The following ATRNL1 variants were observed in gnomAD, a reference collection of about 807,000 sequenced individuals.
ATRNL1 encodes attractin-like protein 1.
A neutral mutation model predicts 182.7 loss-of-function variants in ATRNL1; 95 were observed. The observed-to-expected ratio is 0.52, with a 90% CI of 0.44 to 0.62. ATRNL1 has a LOEUF of 0.62. ATRNL1 is among the 20% of genes least tolerant of loss of function. ATRNL1 has a pLI of 0.00. For missense variants in ATRNL1, 1,471 were observed against 1,679.5 expected, an observed-to-expected ratio of 0.88 and a Z score of 2.17; for synonymous variants, 576 against 568.3, an observed-to-expected ratio of 1.01 and a Z score of -0.19.
At chr10:115,528,082 ATT>A (rs1554987194) in intron 25 of ATRNL1, among the ~76,000 whole-genome samples, 1 of 139,428 alleles carries the variant, frequency 7.2e-6, no homozygotes, top group African/African-American at 2.8e-5. Context: ...TTCCCTTCTC[ATT>A]TCTAAAAATA....
intron 18 of ATRNL1, among the ~76,000 whole-genome samples, chr10:115,326,617 C>T (rs574629129): frequency 1.3e-5 from 2 of 152,038 alleles, no homozygotes; most frequent in East Asian, 1.9e-4. Flanking sequence ...AAAGAGCCCA[C>T]ATCGCCAAGT....
chr10:115,871,469 TTGTGTG>T (rs59295682), intron 28 of ATRNL1, among the ~76,000 whole-genome samples: 25,048 of 139,654 alleles, frequency 0.18, 2,906 homozygotes, highest in South Asian at 0.28. Flanking sequence ...GTCAGATTCT[TTGTGTG>T]TGTGTATATA....
chr10:115,764,973 C>T (rs954417945), intron 27 of ATRNL1, among the ~76,000 whole-genome samples: 6 of 152,154 alleles, frequency 3.9e-5, no homozygotes, highest in African/African-American at 1.4e-4. Flanking sequence ...CATGCCCAGC[C>T]TCCTCCATGT....
chr10:115,369,329 G>A (rs1279946169), intron 19 of ATRNL1, among the ~76,000 whole-genome samples: 2 of 148,284 alleles, frequency 1.3e-5, no homozygotes, highest in Non-Finnish European at 3.0e-5. Context: ...TCCATGAGGG[G>A]ATGGGGGTTC....
intron 10 of ATRNL1, among the ~76,000 whole-genome samples, chr10:115,254,409 T>C (rs1172081327): frequency 1.3e-5 from 2 of 152,266 alleles, no homozygotes; most frequent in African/African-American, 4.8e-5. Flanking sequence ...TTTTTTCATG[T>C]GTCTGTTGGC....
chr10:115,284,057 T>G (rs1354430646), intron 14 of ATRNL1, among the ~76,000 whole-genome samples: 1 of 152,238 alleles, frequency 6.6e-6, no homozygotes, highest in African/African-American at 2.4e-5. Context: ...TACAATTCCA[T>G]GACAATTGGT....
At chr10:115,396,318 A>T (rs1199617260) in intron 20 of ATRNL1, among the ~76,000 whole-genome samples, 1 of 151,964 alleles carries the variant, frequency 6.6e-6, no homozygotes, top group East Asian at 1.9e-4. Flanking sequence ...AAGATCAAGG[A>T]TGCCTCTAAT....
intron 28 of ATRNL1, among the ~76,000 whole-genome samples, chr10:115,872,173 G>A (rs1337585586): frequency 7.2e-5 from 11 of 152,134 alleles, no homozygotes; most frequent in East Asian, 5.8e-4. Context: ...TGAAATTACC[G>A]GGACTTGCAG....
At chr10:115,236,436 T>A (rs1257123085) in intron 9 of ATRNL1, among the ~76,000 whole-genome samples, 1 of 152,208 alleles carries the variant, frequency 6.6e-6, no homozygotes, top group Non-Finnish European at 1.5e-5. Context: ...AGAAACTTGG[T>A]TTCCATTTTA....
intron 22 of ATRNL1, among the ~76,000 whole-genome samples, chr10:115,464,332 A>G (rs1366635882): frequency 7.9e-6 from 1 of 125,838 alleles, no homozygotes; most frequent in Admixed American, 7.7e-5. Context: ...CATTTCCTAC[A>G]TTTTGAAAAA....
chr10:115,766,081 A>G (rs1326679845), intron 27 of ATRNL1, among the ~76,000 whole-genome samples: 4 of 152,146 alleles, frequency 2.6e-5, no homozygotes, highest in South Asian at 2.1e-4. Context: ...AGCATGTTAG[A>G]TCCAAAAAGC....
intron 17 of ATRNL1, among the ~76,000 whole-genome samples, chr10:115,302,687 A>G (rs920713783): frequency 1.3e-5 from 2 of 152,208 alleles, no homozygotes; most frequent in Non-Finnish European, 2.9e-5. Context: ...GGACTATAGG[A>G]TAAGGCTGCA....
intron 26 of ATRNL1, among the ~76,000 whole-genome samples, chr10:115,585,154 G>A (rs1855431565): frequency 2.0e-5 from 2 of 101,264 alleles, no homozygotes; most frequent in South Asian, 6.9e-4. Context: ...TTGCTGAGGA[G>A]AGCTTTACTT....
At chr10:115,781,513 G>A (rs1427736556) in intron 27 of ATRNL1, among the ~76,000 whole-genome samples, 2 of 152,138 alleles carry the variant, frequency 1.3e-5, no homozygotes, top group Non-Finnish European at 2.9e-5. Flanking sequence ...ACAACTACAT[G>A]CAACCATATG....
chr10:115,802,021 A>C (rs1418602567), intron 27 of ATRNL1, among the ~76,000 whole-genome samples: 2 of 125,964 alleles, frequency 1.6e-5, no homozygotes, highest in South Asian at 5.4e-4. Flanking sequence ...AAAAAAAAGA[A>C]ACACACACAC....
At chr10:115,584,734 G>A (rs577463882) in intron 26 of ATRNL1, among the ~76,000 whole-genome samples, 7 of 151,980 alleles carry the variant, frequency 4.6e-5, no homozygotes, top group Non-Finnish European at 1.0e-4. Flanking sequence ...AAAGCTTTTT[G>A]TGTCTCTATT....
chr10:115,128,874 C>G (rs1188710958), intron 4 of ATRNL1, among the ~76,000 whole-genome samples: 1 of 150,880 alleles, frequency 6.6e-6, no homozygotes, highest in Non-Finnish European at 1.5e-5. Flanking sequence ...GATAAACATA[C>G]CTTTTCTTCA....
intron 25 of ATRNL1, among the ~76,000 whole-genome samples, chr10:115,534,991 G>T (rs544661639): frequency 6.6e-6 from 1 of 152,128 alleles, no homozygotes; most frequent in Admixed American, 6.5e-5. Flanking sequence ...TTAGTCTGAT[G>T]GGCTTCCCTT....
intron 17 of ATRNL1, among the ~76,000 whole-genome samples, chr10:115,306,246 T>C (rs1447746875): frequency 6.6e-6 from 1 of 152,146 alleles, no homozygotes; most frequent in East Asian, 1.9e-4. Flanking sequence ...AACTTTTGAG[T>C]CTTTGCATGT....
Sources: allele counts gnomAD v4.1 joint callset (sites outside exome capture counted in the v4.1 genomes callset), GRCh38; gene constraint gnomAD v4.1.1; transcripts MANE v1.5; gene names NCBI Gene and HGNC (gene_info 2026-07-23, HGNC 2026-07-21).